TTC28: variants seen among roughly 807,000 people sequenced by gnomAD.
TTC28 encodes the protein tetratricopeptide repeat protein 28.
A neutral mutation model predicts 198.0 loss-of-function variants in TTC28; 61 were observed. That is an observed-to-expected ratio of 0.31 (90% CI 0.25 to 0.38). The LOEUF (loss-of-function observed/expected upper bound fraction) is 0.38, where lower values mean the gene tolerates loss of function less well. Among genes scored for constraint, TTC28 ranks in the 10% least tolerant of loss-of-function variants. The pLI is 1.00. For missense variants in TTC28, 2,678 were observed against 3,164.0 expected, an observed-to-expected ratio of 0.85 and a Z score of 3.69; for synonymous variants, 1,171 against 1,297.8, an observed-to-expected ratio of 0.90 and a Z score of 2.10.
chr22:28,364,919 T>G (rs1380850061), intron 2 of TTC28, among the ~76,000 whole-genome samples: 1 of 152,216 alleles, frequency 6.6e-6, no homozygotes, highest in African/African-American at 2.4e-5. Context: ...TAATACCAAC[T>G]TAGTTGATAA....
At chr22:27,990,896 A>G in intron 19 of TTC28, 84 bp from the exon 20 acceptor site, 1 of 1,388,930 alleles carries the variant, frequency 7.2e-7, no homozygotes, top group East Asian at 2.5e-5. Flanking sequence ...ATGCAACATG[A>G]GCTGATCACT....
At chr22:28,188,136 G>C (rs1924382310) in intron 5 of TTC28, among the ~76,000 whole-genome samples, 3 of 152,114 alleles carry the variant, frequency 2.0e-5, no homozygotes, top group Non-Finnish European at 4.4e-5. Context: ...AGACTTCCAG[G>C]TAAATAGAGC....
intron 2 of TTC28, among the ~76,000 whole-genome samples, chr22:28,516,356 C>A (rs1214774071): frequency 6.6e-6 from 1 of 151,932 alleles, no homozygotes; most frequent in Non-Finnish European, 1.5e-5. Context: ...AAGAATAATT[C>A]TGAAAAATCA....
At chr22:28,084,402 G>A (rs1352901960) in intron 12 of TTC28, among the ~76,000 whole-genome samples, 3 of 152,218 alleles carry the variant, frequency 2.0e-5, no homozygotes, top group Admixed American at 6.5e-5. Context: ...GGAAAACAGG[G>A]TCTGGAGTGG....
intron 2 of TTC28, among the ~76,000 whole-genome samples, chr22:28,548,450 AT>A (rs113934180): frequency 2.1e-4 from 32 of 151,938 alleles, no homozygotes; most frequent in Non-Finnish European, 3.2e-4. Context: ...TTAAAGCTAC[AT>A]TTTTTTTAAT....
At chr22:28,024,794 C>T (rs1938758416) in intron 13 of TTC28, among the ~76,000 whole-genome samples, 1 of 152,226 alleles carries the variant, frequency 6.6e-6, no homozygotes, top group Admixed American at 6.5e-5. Flanking sequence ...TGACTGGAAC[C>T]AGCAGCTGCA....
intron 5 of TTC28, among the ~76,000 whole-genome samples, chr22:28,199,276 G>A (rs1219706006): frequency 1.3e-5 from 2 of 150,448 alleles, no homozygotes; most frequent in East Asian, 3.9e-4. Context: ...GAAGAAATAA[G>A]GTAGAACTAC....
intron 2 of TTC28, among the ~76,000 whole-genome samples, chr22:28,315,950 G>T (rs528762440): frequency 6.6e-6 from 1 of 152,190 alleles, no homozygotes; most frequent in Non-Finnish European, 1.5e-5. Context: ...GAGGGGTGCT[G>T]TTTTTACAGT....
At chr22:28,044,609 C>A (rs894138872) in intron 12 of TTC28, among the ~76,000 whole-genome samples, 2 of 152,150 alleles carry the variant, frequency 1.3e-5, no homozygotes, top group African/African-American at 2.4e-5. Flanking sequence ...CCCGCTCCCC[C>A]CAACCCACAA....
At chr22:28,444,689 G>C (rs776374968) in intron 2 of TTC28, among the ~76,000 whole-genome samples, 28 of 152,142 alleles carry the variant, frequency 1.8e-4, no homozygotes, top group Non-Finnish European at 3.8e-4. Context: ...GCATAGTGGG[G>C]CTAGAATTCA....
intron 12 of TTC28, among the ~76,000 whole-genome samples, chr22:28,069,491 A>G (rs1204871134): frequency 6.6e-6 from 1 of 152,200 alleles, no homozygotes; most frequent in Non-Finnish European, 1.5e-5. Flanking sequence ...CTAAAATGTG[A>G]GAATTAACTT....
chr22:28,242,723 C>T (rs928885253), intron 5 of TTC28, among the ~76,000 whole-genome samples: 2 of 151,800 alleles, frequency 1.3e-5, no homozygotes, highest in African/African-American at 4.8e-5. Context: ...AGATTTTTTT[C>T]CATTAACCAA....
At chr22:28,466,380 A>T (rs111628344) in intron 2 of TTC28, among the ~76,000 whole-genome samples, 2,837 of 152,284 alleles carry the variant, frequency 0.019, 28 homozygotes, top group Non-Finnish European at 0.026. Flanking sequence ...TGCTGAGTTG[A>T]TGCTCTCTGT....
At chr22:28,445,342 T>C (rs2047686670) in intron 2 of TTC28, among the ~76,000 whole-genome samples, 1 of 152,230 alleles carries the variant, frequency 6.6e-6, no homozygotes, top group South Asian at 2.1e-4. Flanking sequence ...AGGCACTCAC[T>C]GTTTAGTCAG....
At chr22:28,475,922 C>T (rs577413552) in intron 2 of TTC28, among the ~76,000 whole-genome samples, 2 of 152,232 alleles carry the variant, frequency 1.3e-5, no homozygotes, top group South Asian at 2.1e-4. Flanking sequence ...TTTTTTCCTA[C>T]AATAATTGCA....
At chr22:28,014,128 G>C (rs989244332) in intron 14 of TTC28, 120 bp downstream of exon 14, 1 of 1,267,248 alleles carries the variant, frequency 7.9e-7, no homozygotes, top group East Asian at 2.6e-5. Flanking sequence ...CTTGTGTTCT[G>C]GAAAGCCTCC....
chr22:28,372,641 C>T (rs1392305332), intron 2 of TTC28, among the ~76,000 whole-genome samples: 3 of 151,750 alleles, frequency 2.0e-5, no homozygotes, highest in Non-Finnish European at 4.4e-5. Context: ...TTGTTCCCAA[C>T]TAAAGGGCCA....
intron 5 of TTC28, among the ~76,000 whole-genome samples, chr22:28,177,799 A>G (rs1923308140): frequency 6.6e-6 from 1 of 152,212 alleles, no homozygotes; most frequent in Non-Finnish European, 1.5e-5. Context: ...ACATTCTGAA[A>G]AAGTCAAATG....
intron 2 of TTC28, among the ~76,000 whole-genome samples, chr22:28,550,740 A>G (rs2049652579): frequency 6.6e-6 from 1 of 152,172 alleles, no homozygotes. Flanking sequence ...ATTAGTCTTG[A>G]CAGAATTTTA....
Sources: allele counts gnomAD v4.1 joint callset (sites outside exome capture counted in the v4.1 genomes callset), GRCh38; gene constraint gnomAD v4.1.1; transcripts MANE v1.5; gene names NCBI Gene and HGNC (gene_info 2026-07-23, HGNC 2026-07-21).